NEGR1: variants seen among roughly 807,000 people sequenced by gnomAD.
NEGR1 encodes IgLON family member 4.
A neutral mutation model predicts 40.9 loss-of-function variants in NEGR1; 10 were observed. The observed-to-expected ratio is 0.24, with a 90% CI of 0.15 to 0.42. The LOEUF is 0.42. Among genes scored for constraint, NEGR1 ranks in the 10% least tolerant of loss-of-function variants. NEGR1 has a pLI of 1.00. For missense variants in NEGR1, 352 were observed against 438.9 expected, an observed-to-expected ratio of 0.80 and a Z score of 1.77; for synonymous variants, 185 against 166.8, an observed-to-expected ratio of 1.11 and a Z score of -0.84.
chr1:71,796,415 C>G (rs1657327073), intron 2 of NEGR1, among the ~76,000 whole-genome samples: 1 of 152,110 alleles, frequency 6.6e-6, no homozygotes, highest in African/African-American at 2.4e-5. Context: ...TCATTTCTCT[C>G]TTTAGAAAAA....
intron 3 of NEGR1, among the ~76,000 whole-genome samples, chr1:71,737,332 G>A (rs184199785): frequency 4.6e-5 from 7 of 151,508 alleles, no homozygotes; most frequent in Admixed American, 2.6e-4. Context: ...GTTGGACAGA[G>A]GTGAGAAAAC....
rs1168009787 is a variant in NEGR1, at chr1:71,660,523, T to A, written c.667+37485A>T. Among the ~76,000 whole-genome samples, 3 of 152,150 alleles carry A rather than the reference T, an allele frequency of 2.0e-5. No individual in the cohort carries two copies. In the East Asian group the frequency reaches 5.8e-4, roughly 29 times the overall value. ...AAAAGTCTCTTTACAGAGTTTTATA[T>A]CCTCAGGGCTGCAACTGCTCATAGA... On this transcript the variant is annotated intron_variant, in intron 4 of 6. Coordinates refer to ENST00000357731, the MANE Select transcript of NEGR1 (RefSeq NM_173808.3).
intron 4 of NEGR1, among the ~76,000 whole-genome samples, chr1:71,655,141 A>G (rs1177008483): frequency 2.0e-5 from 3 of 152,174 alleles, no homozygotes; most frequent in African/African-American, 7.2e-5. Context: ...TTATTCAAGG[A>G]GATTTTATTG....
intron 4 of NEGR1, among the ~76,000 whole-genome samples, chr1:71,657,756 T>A (rs1651923051): frequency 6.6e-6 from 1 of 152,152 alleles, no homozygotes; most frequent in African/African-American, 2.4e-5. Flanking sequence ...CCTTTGATAA[T>A]AGATAATGAG....
At chr1:71,637,478 T>C (rs540056595) in intron 4 of NEGR1, among the ~76,000 whole-genome samples, 1 of 152,094 alleles carries the variant, frequency 6.6e-6, no homozygotes, top group East Asian at 1.9e-4. Context: ...ATTTTATGTA[T>C]ATAATTTGGT....
intron 1 of NEGR1, among the ~76,000 whole-genome samples, chr1:72,224,649 CAG>C (rs1223199567): frequency 1.3e-5 from 2 of 151,902 alleles, no homozygotes; most frequent in South Asian, 4.1e-4. Context: ...TAGAGTATTG[CAG>C]AGTCTGGATT....
intron 6 of NEGR1, among the ~76,000 whole-genome samples, chr1:71,423,739 A>G (rs1334503251): frequency 6.6e-6 from 1 of 152,064 alleles, no homozygotes; most frequent in Non-Finnish European, 1.5e-5. Flanking sequence ...GGCAGGGCAT[A>G]TAAAGAATTG....
At chr1:71,746,150 A>C (rs1424934670) in intron 3 of NEGR1, among the ~76,000 whole-genome samples, 4 of 152,258 alleles carry the variant, frequency 2.6e-5, no homozygotes, top group Non-Finnish European at 4.4e-5. Context: ...ATGTTCATAC[A>C]AATATGTTAT....
chr1:71,620,064 A>G (rs1443757519), intron 4 of NEGR1, among the ~76,000 whole-genome samples: 1 of 152,044 alleles, frequency 6.6e-6, no homozygotes, highest in Non-Finnish European at 1.5e-5. Flanking sequence ...TAGAGTTCCA[A>G]TGGCAAAAGA....
intron 2 of NEGR1, among the ~76,000 whole-genome samples, chr1:71,884,188 G>A (rs753637476): frequency 9.2e-5 from 14 of 151,910 alleles, no homozygotes; most frequent in Non-Finnish European, 1.8e-4. Context: ...ATTGGTTATT[G>A]TTTCCTCCAC....
At chr1:72,061,004 G>T (rs1647163770) in intron 1 of NEGR1, among the ~76,000 whole-genome samples, 1 of 151,644 alleles carries the variant, frequency 6.6e-6, no homozygotes, top group Non-Finnish European at 1.5e-5. Flanking sequence ...ACAAGTTTTA[G>T]TTGTGTGAAT....
rs185164013 is a variant in NEGR1, at chr1:71,591,942, A to T, written c.940+875T>A. ...CATTTTTCAGAGATAGCTTACTATA[A>T]CAAGATCGTAAGACAAATATACATT... On this transcript the variant is annotated intron_variant, in intron 6 of 6. Transcript: ENST00000357731. Among the ~76,000 whole-genome samples the T allele has an allele frequency of 1.1e-4, 17 of 152,226 alleles. No individual in the cohort carries two copies. The East Asian group carries it at 3.3e-3, about 29-fold the overall frequency.
At position 71,806,897 on chromosome 1, in the gene NEGR1, T is replaced by G. The variant is rs1229593475; in HGVS notation, c.410-30600A>C. Among the ~76,000 whole-genome samples, 19 of 139,528 alleles carry G rather than the reference T, an allele frequency of 1.4e-4. 1 individual carries two copies. The highest frequency in any genetic ancestry group is 8.6e-4 in the Admixed American group (12 of 13,906). The allele number at this position is 139,528 out of a possible 152,430, so 91.5% of individuals were successfully genotyped here. A position where few individuals can be genotyped will look rare whatever the true frequency, so the allele number is the denominator to read the frequency against. On this transcript the variant is annotated intron_variant, in intron 2 of 6. Coordinates refer to ENST00000357731, the MANE Select transcript of NEGR1 (RefSeq NM_173808.3). ...GCAAACATGTCGATCTGTTTTTTTT[T>G]GTTTTTTTTTTTTGAGATGGAGTCT...
At chr1:71,414,635 C>T (rs534578277) in intron 6 of NEGR1, among the ~76,000 whole-genome samples, 3 of 152,196 alleles carry the variant, frequency 2.0e-5, no homozygotes, top group Non-Finnish European at 4.4e-5. Flanking sequence ...TCATGTACCA[C>T]CTCACATCTG....
chr1:71,433,599 T>C (rs1646483671), intron 6 of NEGR1, among the ~76,000 whole-genome samples: 1 of 151,842 alleles, frequency 6.6e-6, no homozygotes, highest in Non-Finnish European at 1.5e-5. Context: ...CAAGAGAAAA[T>C]GAGGAAGATG....
In NEGR1 at chr1:71,660,697, T is replaced by C. The variant is rs534123800; in HGVS notation, c.667+37311A>G. Among the ~76,000 whole-genome samples the C allele has an allele frequency of 2.6e-5, 4 of 152,240 alleles. No homozygotes were observed. The East Asian group carries it at 7.7e-4, about 29-fold the overall frequency. The stretch of plus-strand genomic sequence containing the variant: ...TACTAATTTTGAACATCTTGGCTTT[T>C]TCTTCTTATTATTATTATTAAACTT... On this transcript the variant is annotated intron_variant, in intron 4 of 6. Coordinates refer to ENST00000357731, the MANE Select transcript of NEGR1 (RefSeq NM_173808.3).
At chr1:72,078,645 A>ATT (rs34230422) in intron 1 of NEGR1, among the ~76,000 whole-genome samples, 4 of 144,008 alleles carry the variant, frequency 2.8e-5, no homozygotes, top group African/African-American at 1.0e-4. Flanking sequence ...ATATTTATTT[A>ATT]TTTTTTTTTT....
chr1:71,797,807 C>A lies in NEGR1; in HGVS notation c.410-21510G>T, dbSNP rs560797214. Among the ~76,000 whole-genome samples, 12 of 152,140 alleles carry A rather than the reference C, an allele frequency of 7.9e-5. No homozygotes were observed. In the South Asian group the frequency reaches 2.3e-3, roughly 29 times the overall value. ...TAACATTCTCTGAGCACTGACTCTT[C>A]TTCCATGGTTAGGTAGACTGCACCA... On this transcript the variant is annotated intron_variant, in intron 2 of 6. Coordinates refer to ENST00000357731, the MANE Select transcript of NEGR1 (RefSeq NM_173808.3).
chr1:71,452,309 T>C (rs1004071403), intron 6 of NEGR1, among the ~76,000 whole-genome samples: 1 of 152,204 alleles, frequency 6.6e-6, no homozygotes, highest in African/African-American at 2.4e-5. Flanking sequence ...TCTTAGGGGT[T>C]TTCTTTTGCT....
Sources: gnomAD v4.1 joint callset for allele counts (sites outside exome capture counted in the v4.1 genomes callset) on GRCh38, gnomAD v4.1.1 for gene constraint, MANE v1.5 for transcripts, NCBI Gene and HGNC (gene_info 2026-07-23, HGNC 2026-07-21) for gene names.